Variants in RBFOX1 observed in about 807,000 individuals in gnomAD.
The protein encoded by RBFOX1 is RNA binding protein fox-1 homolog 1.
Under a neutral mutation model 57.7 loss-of-function variants are expected in RBFOX1, and 8 were observed. That is an observed-to-expected ratio of 0.14 (90% CI 0.08 to 0.25). RBFOX1 has a LOEUF of 0.25. RBFOX1 is among the 10% of genes least tolerant of loss of function. RBFOX1 has a pLI of 1.00. For missense variants in RBFOX1, 611 were observed against 548.5 expected (o/e 1.11, Z -1.14); for synonymous variants, 326 against 222.4 (o/e 1.47, Z -4.15).
At chr16:7,473,147 G>C (rs1049882033) in intron 4 of RBFOX1, among the ~76,000 whole-genome samples, 4 of 152,154 alleles carry the variant, frequency 2.6e-5, no homozygotes, top group African/African-American at 9.7e-5. Context: ...GGAGGCTGAG[G>C]TGGGTGAATT....
At chr16:7,672,925 TTTAAAATGTTC>T (rs940424002) in intron 13 of RBFOX1, among the ~76,000 whole-genome samples, 6 of 149,706 alleles carry the variant, frequency 4.0e-5, no homozygotes, top group African/African-American at 1.5e-4. Flanking sequence ...AATTTTTCAT[TTTAAAATGTTC>T]TTATAAGTAT....
intron 4 of RBFOX1, among the ~76,000 whole-genome samples, chr16:5,884,453 C>G (rs12935221): frequency 0.075 from 10,834 of 144,330 alleles, 435 homozygotes; most frequent in East Asian, 0.14. Flanking sequence ...CCCCGCCCCC[C>G]GCTCCCCACC....
At chr16:7,082,668 T>C (rs1449018389) in intron 4 of RBFOX1, among the ~76,000 whole-genome samples, 2 of 152,240 alleles carry the variant, frequency 1.3e-5, no homozygotes, top group East Asian at 1.9e-4. Context: ...CACAACTGTT[T>C]AATGAAGGCT....
At chr16:6,913,087 A>G (rs1322694779) in intron 3 of RBFOX1, among the ~76,000 whole-genome samples, 1 of 152,146 alleles carries the variant, frequency 6.6e-6, no homozygotes, top group Non-Finnish European at 1.5e-5. Context: ...GAAAACCATT[A>G]TGGAAGCAAC....
chr16:7,151,759 A>G (rs973478778), intron 4 of RBFOX1, among the ~76,000 whole-genome samples: 12 of 152,074 alleles, frequency 7.9e-5, no homozygotes, highest in Non-Finnish European at 1.3e-4. Flanking sequence ...AGACAGTCCC[A>G]TCTTGGGGTG....
intron 9 of RBFOX1, among the ~76,000 whole-genome samples, chr16:7,607,058 G>T (rs1485035645): frequency 6.6e-6 from 1 of 152,194 alleles, no homozygotes; most frequent in Non-Finnish European, 1.5e-5. Context: ...TGGCTGGTCA[G>T]TAGTTTCCAT....
chr16:6,878,923 AT>A (rs1421870726), intron 3 of RBFOX1, among the ~76,000 whole-genome samples: 4 of 152,146 alleles, frequency 2.6e-5, no homozygotes, highest in Non-Finnish European at 4.4e-5. Flanking sequence ...AAAGGGTAGG[AT>A]TTTTTTTCCC....
chr16:5,909,088 C>G (rs992241499), intron 4 of RBFOX1, among the ~76,000 whole-genome samples: 1 of 77,584 alleles, frequency 1.3e-5, no homozygotes, highest in African/African-American at 3.7e-5. Flanking sequence ...GACTAAGCCC[C>G]CCTTTTTTTT....
intron 3 of RBFOX1, among the ~76,000 whole-genome samples, chr16:5,714,725 G>A (rs1416046931): frequency 6.6e-6 from 1 of 152,136 alleles, no homozygotes; most frequent in Non-Finnish European, 1.5e-5. Flanking sequence ...ATAATAGGAA[G>A]GATTGTAATA....
At chr16:5,942,717 C>G (rs1219830066) in intron 4 of RBFOX1, among the ~76,000 whole-genome samples, 8 of 152,118 alleles carry the variant, frequency 5.3e-5, no homozygotes, top group Non-Finnish European at 8.8e-5. Context: ...CCCGAACAAC[C>G]AAGGGTAGTT....
intron 1 of RBFOX1, among the ~76,000 whole-genome samples, chr16:6,102,849 T>G (rs1469634585): frequency 6.6e-6 from 1 of 152,202 alleles, no homozygotes; most frequent in Non-Finnish European, 1.5e-5. Flanking sequence ...GTGTCCTGGC[T>G]TGTAGGACAG....
Position 7,491,623 on chromosome 16 carries a change from G to T in RBFOX1, c.28-26524G>T, listed in dbSNP as rs578087882. Among the ~76,000 whole-genome samples the T allele has an allele frequency of 1.5e-3, 234 of 151,756 alleles. 2 individuals are homozygous for T. The highest frequency in any genetic ancestry group is 3.1e-3 in the Admixed American group (47 of 15,202). On this transcript the variant is annotated intron_variant, in intron 4 of 15. Transcript: ENST00000550418. ...ATGTAATAGGAACATGCCTCATTTG[G>T]GCTCTTTATTTTATCTATTTTATTT... is the stretch of plus-strand genomic sequence containing the variant.
chr16:6,222,946 C>T lies in RBFOX1; in HGVS notation c.-126-94049C>T, dbSNP rs572787388. ...ATTCCCATCTATGAGTGAGAACATG[C>T]GGTGTTTGGTTTGTTGTCCTTGCGA... is the stretch of plus-strand genomic sequence containing the variant. On this transcript the variant is annotated intron_variant, in intron 1 of 15. Transcript: ENST00000550418. Among the ~76,000 whole-genome samples, 41 of 151,498 alleles carry T rather than the reference C, an allele frequency of 2.7e-4. No individual in the cohort carries two copies. The East Asian group carries it at 6.7e-3, about 25-fold the overall frequency.
intron 4 of RBFOX1, among the ~76,000 whole-genome samples, chr16:7,153,419 A>AG (rs1189109493): frequency 3.3e-5 from 5 of 151,938 alleles, no homozygotes; most frequent in Non-Finnish European, 5.9e-5. Context: ...TGGTTTAGGG[A>AG]GGGAGGACAT....
intron 2 of RBFOX1, among the ~76,000 whole-genome samples, chr16:6,347,406 G>T (rs2085556030): frequency 6.6e-6 from 1 of 152,102 alleles, no homozygotes. Flanking sequence ...CTTCTCATTT[G>T]GCTTATAATC....
intron 2 of RBFOX1, among the ~76,000 whole-genome samples, chr16:6,497,395 C>G (rs1004238695): frequency 2.0e-5 from 3 of 152,232 alleles, no homozygotes; most frequent in South Asian, 2.1e-4. Flanking sequence ...CATTTCTCAG[C>G]TACTTTTCCC....
intron 1 of RBFOX1, among the ~76,000 whole-genome samples, chr16:6,056,259 T>C (rs17139246): frequency 0.37 from 56,967 of 151,954 alleles, 11,179 homozygotes; most frequent in East Asian, 0.61. Flanking sequence ...AGTGTAGGGA[T>C]AAAGCAAGGA....
intron 2 of RBFOX1, among the ~76,000 whole-genome samples, chr16:6,434,054 G>T (rs535790251): frequency 6.6e-6 from 1 of 151,878 alleles, no homozygotes; most frequent in Non-Finnish European, 1.5e-5. Context: ...CACCATGTTG[G>T]TCAGGCTGGT....
chr16:5,962,004 C>G (rs1281321973), intron 4 of RBFOX1, among the ~76,000 whole-genome samples: 1 of 152,166 alleles, frequency 6.6e-6, no homozygotes, highest in Non-Finnish European at 1.5e-5. Context: ...GAGCCCATCT[C>G]TCTCCTTCCA....
Sources: gnomAD v4.1 joint callset for allele counts (sites outside exome capture counted in the v4.1 genomes callset) on GRCh38, gnomAD v4.1.1 for gene constraint, MANE v1.5 for transcripts, NCBI Gene and HGNC (gene_info 2026-07-23, HGNC 2026-07-21) for gene names.